Variants in ODAD3 observed in about 807,000 individuals in gnomAD.
ODAD3 encodes outer dynein arm-docking complex subunit 3.
In ODAD3, 57 loss-of-function variants were observed where a neutral mutation model predicts 70.9. That is an observed-to-expected ratio of 0.80 (90% CI 0.65 to 1.00). The LOEUF is 1.00. Among genes scored for constraint, ODAD3 ranks in the 50% least tolerant of loss-of-function variants. ODAD3 has a pLI of 0.00. For synonymous variants in ODAD3, 327 were observed against 315.9 expected (o/e 1.04, Z -0.37); for missense variants, 797 against 763.9 (o/e 1.04, Z -0.51).
intron 7 of ODAD3, among the ~76,000 whole-genome samples, chr19:11,424,469 A>AGACTAATTT (rs773172650): frequency 1.3e-5 from 2 of 150,608 alleles, no homozygotes; most frequent in Non-Finnish European, 3.0e-5. Flanking sequence ...TCTGAGCGAC[A>AGACTAATTT]GAGACCGTGT....
chr19:11,434,932 C>A lies in ODAD3; in HGVS notation c.85G>T (p.Gly29Cys), dbSNP rs1419466799. 1.2e-6 allele frequency: 2 copies of A among 1,613,946 alleles called. No homozygotes were observed. Among genetic ancestry groups the A allele is most frequent in the Non-Finnish European group, 1.7e-6 (2 of 1,180,046 alleles). Residue 29 changes from glycine to cysteine, a missense_variant, in exon 1 of 13, where the codon GGC becomes TGC. Transcript: ENST00000356392. ...QASTPSSRVK[G>C]REASGKPSHL... ...CTGGGTTTGCCCGAAGCCTCCCTGC[C>A]CTTGACCCTGGAAGAGGGCGTCGAA...
Position 11,422,872 on chromosome 19 carries a change from C to T in ODAD3, c.1117-11G>A, listed in dbSNP as rs780907800. 6.2e-7 allele frequency: 1 copy of T among 1,600,408 alleles called. No individual in the cohort carries two copies. Among genetic ancestry groups the T allele is most frequent in the South Asian group, 1.1e-5 (1 of 90,950 alleles). ...CCGCCGCACCAACGACTGCGGGCCA[C>T]CCAGCCCCAGTCAGAGCCAGGGCCT... On this transcript the variant is annotated splice_polypyrimidine_tract_variant and intron_variant, in intron 8 of 12. Transcript: ENST00000356392. This position sits in a 1 kb window ranked among gnomAD's most constrained non-coding sequence, Gnocchi z 4.6.
Position 11,421,844 on chromosome 19 carries a change from G to T in ODAD3, c.1435-12C>A, listed in dbSNP as rs1053008722. On this transcript the variant is annotated splice_polypyrimidine_tract_variant and intron_variant, in intron 10 of 12. Transcript: ENST00000356392. ...AAGCGGCCGTCCTCCTGCGGCCAGG[G>T]TAGAGCCGGGTCAGCCGAGAGGGGT... 3.1e-6 allele frequency: 5 copies of T among 1,609,268 alleles called. No individual in the cohort carries two copies. The highest frequency in any genetic ancestry group is 2.2e-5 in the East Asian group (1 of 44,826).
chr19:11,434,837 T>C lies in ODAD3; in HGVS notation c.180A>G (p.Arg60=), dbSNP rs1599472793. The part of the protein sequence containing the change: ...PGRSKGGSFH[R]GAGKPSVHSQ... ...AGTGCACAGAGGGCTTCCCTGCACC[T>C]CTGTGGAAGGATCCTCCCTTGGAAC... The change falls in exon 1 of 13, where the codon AGA becomes AGG. Residue 60 remains arginine (R), a synonymous_variant. Transcript: ENST00000356392. 1 of 1,614,166 alleles carries C rather than the reference T, an allele frequency of 6.2e-7. No homozygotes were observed. Among genetic ancestry groups the C allele is most frequent in the Non-Finnish European group, 8.5e-7 (1 of 1,180,022 alleles).
chr19:11,435,673 G>T (rs754954742), upstream of ODAD3: 923 of 1,302,092 alleles, frequency 7.1e-4, 1 homozygote, highest in Non-Finnish European at 9.0e-4. Context: ...GACAAGAGGG[G>T]TGCGGTGGAT....
Position 11,425,146 on chromosome 19 carries a change from C to CCT in ODAD3, c.963+997_963+998insAG, listed in dbSNP as rs1298917527. Among the ~76,000 whole-genome samples the CCT allele has an allele frequency of 5.2e-5, 5 of 97,038 alleles. No individual in the cohort carries two copies. In the South Asian group the frequency reaches 1.7e-3, roughly 32 times the overall value. The allele number at this position is 97,038 out of a possible 152,430, so 63.7% of individuals were successfully genotyped here. A position where few individuals can be genotyped will look rare whatever the true frequency, so the allele number is the denominator to read the frequency against. On this transcript the variant is annotated intron_variant, in intron 7 of 12. Transcript: ENST00000356392. The stretch of plus-strand genomic sequence containing the variant: ...ACATATGTGTATATGTGTATATGTA[C>CCT]ATATGTATATATACATATGTGTATA...
chr19:11,435,674 T>G (rs1416929671), upstream of ODAD3: 74 of 1,301,782 alleles, frequency 5.7e-5, 1 homozygote, highest in Admixed American at 1.7e-3. Context: ...ACAAGAGGGG[T>G]GCGGTGGATA....
chr19:11,431,731 G>C (rs569741712), intron 1 of ODAD3, among the ~76,000 whole-genome samples: 2 of 149,926 alleles, frequency 1.3e-5, no homozygotes, highest in Admixed American at 6.7e-5. Context: ...TCAGGAGATC[G>C]AGACCATCCT....
At chr19:11,430,639 C>A in intron 3 of ODAD3, 60 bp downstream of exon 3, 1 of 1,524,336 alleles carries the variant, frequency 6.6e-7, no homozygotes, top group African/African-American at 1.4e-5. Context: ...AGCCTGGAGT[C>A]CAGTGGTGAG....
At chr19:11,424,639 G>A (rs1462881988) in intron 7 of ODAD3, among the ~76,000 whole-genome samples, 2 of 110,366 alleles carry the variant, frequency 1.8e-5, no homozygotes, top group African/African-American at 9.8e-5. Flanking sequence ...ATGTATATAT[G>A]TGTATATATA....
chr19:11,427,556 A>G (rs1437347568), intron 3 of ODAD3, among the ~76,000 whole-genome samples: 1 of 147,836 alleles, frequency 6.8e-6, no homozygotes, highest in East Asian at 2.0e-4. Flanking sequence ...ATCTCGGCTC[A>G]CTGCAACTTC....
intron 6 of ODAD3, 81 bp downstream of exon 6, chr19:11,426,365 T>C: frequency 6.2e-7 from 1 of 1,608,472 alleles, no homozygotes; most frequent in Non-Finnish European, 8.5e-7. Flanking sequence ...TAGGGGAAGC[T>C]CAGGGACAGC....
intron 3 of ODAD3, among the ~76,000 whole-genome samples, chr19:11,427,833 G>T (rs1251904311): frequency 6.6e-6 from 1 of 151,098 alleles, no homozygotes; most frequent in African/African-American, 2.4e-5. Flanking sequence ...GGGCGCGGTG[G>T]CTCCCGCCTG....
chr19:11,435,131 C>T, upstream of ODAD3: 1 of 1,465,856 alleles, frequency 6.8e-7, no homozygotes, highest in South Asian at 1.4e-5. Context: ...CACTTTCCGA[C>T]CGCTAGGTGG....
rs972183899 is a variant in ODAD3, at chr19:11,434,676, A to C, written c.244+97T>G. 9 of 1,474,448 alleles carry C rather than the reference A, an allele frequency of 6.1e-6. No homozygotes were observed. In the African/African-American group the frequency reaches 1.1e-4, roughly 18 times the overall value. 91.3% of individuals were successfully genotyped at this position (1,474,448 alleles called of 1,614,324 possible). On this transcript the variant is annotated intron_variant, in intron 1 of 12. Coordinates refer to ENST00000356392, the MANE Select transcript of ODAD3 (RefSeq NM_145045.5). ...ATGAGTTTTTGCCCAGAAACGGTTT[A>C]CCTAGACTCATGCTGGAGAAATACC...
intron 6 of ODAD3, 64 bp downstream of exon 6, chr19:11,426,382 C>T (rs1193879856): frequency 6.2e-7 from 1 of 1,610,804 alleles, no homozygotes; most frequent in East Asian, 2.2e-5. Context: ...CAGCTGAGGT[C>T]AGATTCTCAA....
At position 11,425,151 on chromosome 19, in the gene ODAD3, G is replaced by GTA. The variant is rs1225675839; in HGVS notation, c.963+991_963+992dup. On this transcript the variant is annotated intron_variant, in intron 7 of 12. Coordinates refer to ENST00000356392, the MANE Select transcript of ODAD3 (RefSeq NM_145045.5). ...TGTGTATATGTGTATATGTACATATGTATATATACATATGTGTATATGTAC... is the reference window on the plus strand; with the variant it reads ...TGTGTATATGTGTATATGTACATATGTATATATATACATATGTGTATATGTAC... 4.0e-3 allele frequency among the ~76,000 whole-genome samples: 509 copies of GTA among 125,986 alleles called. 27 individuals are homozygous for GTA. The highest frequency in any genetic ancestry group is 3.8e-3 in the Admixed American group (51 of 13,378). 82.7% of individuals were successfully genotyped at this position (125,986 alleles called of 152,430 possible).
In ODAD3 at chr19:11,425,093, GTGTATATA is replaced by G. The variant is rs1437797475; in HGVS notation, c.963+1043_963+1050del. Among the ~76,000 whole-genome samples the G allele has an allele frequency of 1.2e-3, 156 of 134,276 alleles. 18 individuals are homozygous for G. In the East Asian group the frequency reaches 0.014, roughly 12 times the overall value. The allele number at this position is 134,276 out of a possible 152,430, so 88.1% of individuals were successfully genotyped here. ...TATGTATATGTGTATATGTACATAT[GTGTATATA>G]TGTATATATGTGTATATGTACATAT... On this transcript the variant is annotated intron_variant, in intron 7 of 12. Transcript: ENST00000356392.
At position 11,426,934 on chromosome 19, in the gene ODAD3, T is replaced by C. The variant is rs760335440; in HGVS notation, c.551A>G (p.Gln184Arg). The C allele has an allele frequency of 1.6e-5, 26 of 1,610,082 alleles. No homozygotes were observed. In the South Asian group the frequency reaches 1.8e-4, roughly 11 times the overall value. ...CATCTCCAGAAGGCGCAGGCTGTGC[T>C]GCAGCTGGAGCTCCTCCAGCCGCCT... ...RQRRLEELQL[Q>R]HSLRLLEMAE... The change falls in exon 4 of 13, where the codon CAG becomes CGG. Residue 184 changes from glutamine (Q) to arginine (R), a missense_variant. Gln to Arg is a conservative substitution (Grantham distance 43, BLOSUM62 1). Transcript: ENST00000356392.
Sources: allele counts gnomAD v4.1 joint callset (sites outside exome capture counted in the v4.1 genomes callset), GRCh38; gene constraint gnomAD v4.1.1; non-coding constraint Gnocchi (gnomAD v3.1); transcripts MANE v1.5; gene names NCBI Gene and HGNC (gene_info 2026-07-23, HGNC 2026-07-21).